Variants in PHF24 observed in about 807,000 individuals in gnomAD.
PHF24 encodes the protein Galpha inhibitory interacting protein.
Under a neutral mutation model 42.6 loss-of-function variants are expected in PHF24, and 25 were observed. That is an observed-to-expected ratio of 0.59 (90% CI 0.43 to 0.82). The LOEUF (loss-of-function observed/expected upper bound fraction) is 0.82. Among genes scored for constraint, PHF24 ranks in the 40% least tolerant of loss-of-function variants. PHF24 has a pLI of 0.00. For synonymous variants in PHF24, 185 were observed against 204.8 expected (o/e 0.90, Z 0.83); for missense variants, 470 against 538.1 (o/e 0.87, Z 1.25).
chr9:34,739,060 T>C, the PHF24 span, among the ~76,000 whole-genome samples: 1 of 152,222 alleles, frequency 6.6e-6, no homozygotes, highest in Non-Finnish European at 1.5e-5. Context: ...ATTCTGGGTT[T>C]TAGCTGTTTC....
chr9:34,815,710 AT>A, the PHF24 span, among the ~76,000 whole-genome samples: 6 of 152,252 alleles, frequency 3.9e-5, no homozygotes, highest in East Asian at 1.2e-3. Flanking sequence ...TTCTGTGTGT[AT>A]TTGTTTTAAA....
chr9:34,946,447 G>C, the PHF24 span, among the ~76,000 whole-genome samples: 10 of 152,162 alleles, frequency 6.6e-5, no homozygotes, highest in Non-Finnish European at 1.5e-4. Context: ...TCTCTTGTAA[G>C]TTTCCATATC....
chr9:34,871,840 G>C, the PHF24 span, among the ~76,000 whole-genome samples: 1 of 152,046 alleles, frequency 6.6e-6, no homozygotes, highest in African/African-American at 2.4e-5. Context: ...CTCCAACCTT[G>C]GTCTTCTCCT....
chr9:34,957,960 G>T (rs1826424164), upstream of PHF24, among the ~76,000 whole-genome samples: 1 of 151,454 alleles, frequency 6.6e-6, no homozygotes, highest in Admixed American at 6.6e-5. Context: ...TCCCCGCGCC[G>T]CAGTGCCGGG....
At chr9:34,728,491 G>C in the PHF24 span, 1 of 923,736 alleles carries the variant, frequency 1.1e-6, no homozygotes, top group African/African-American at 1.7e-5. Context: ...TTCAGTCTGG[G>C]GAACTGGAGT....
the PHF24 span, among the ~76,000 whole-genome samples, chr9:34,808,984 A>G: frequency 1.3e-5 from 2 of 151,832 alleles, no homozygotes; most frequent in African/African-American, 4.8e-5. Flanking sequence ...ACATGTATAC[A>G]TATGTAACTA....
At chr9:34,923,696 T>G in the PHF24 span, among the ~76,000 whole-genome samples, 1 of 152,192 alleles carries the variant, frequency 6.6e-6, no homozygotes, top group Non-Finnish European at 1.5e-5. Flanking sequence ...TGATTTTGTT[T>G]AGGTCTTCCC....
the PHF24 span, among the ~76,000 whole-genome samples, chr9:34,887,199 A>G: frequency 6.6e-6 from 1 of 152,152 alleles, no homozygotes; most frequent in East Asian, 1.9e-4. Flanking sequence ...CCCAGCATCT[A>G]AATGCCTGTA....
At chr9:34,963,243 G>A (rs1826654125) in intron 1 of PHF24, among the ~76,000 whole-genome samples, 1 of 145,942 alleles carries the variant, frequency 6.9e-6, no homozygotes, top group African/African-American at 2.5e-5. Flanking sequence ...ACCCGCACGA[G>A]AACTCTTTTT....
At chr9:34,845,288 G>A in the PHF24 span, among the ~76,000 whole-genome samples, 2 of 152,100 alleles carry the variant, frequency 1.3e-5, no homozygotes, top group Non-Finnish European at 2.9e-5. Flanking sequence ...GCCACTTTAT[G>A]TCTTTTCATT....
At chr9:34,773,076 C>T in the PHF24 span, among the ~76,000 whole-genome samples, 7 of 151,820 alleles carry the variant, frequency 4.6e-5, no homozygotes, top group African/African-American at 9.7e-5. Flanking sequence ...CCGCAACCTC[C>T]GCCTCGCGGG....
chr9:34,977,883 C>G, intron 7 of PHF24, 132 bp from the exon 8 acceptor site: 2 of 804,296 alleles, frequency 2.5e-6, no homozygotes. Flanking sequence ...TTGTGTAGCT[C>G]AAGCCATGCT....
the PHF24 span, among the ~76,000 whole-genome samples, chr9:34,795,456 T>C: frequency 1.3e-5 from 2 of 152,078 alleles, no homozygotes; most frequent in Admixed American, 1.3e-4. Flanking sequence ...AGACCTAGTC[T>C]ACAATAATTG....
chr9:34,855,889 T>C, the PHF24 span, among the ~76,000 whole-genome samples: 2 of 152,206 alleles, frequency 1.3e-5, no homozygotes, highest in African/African-American at 2.4e-5. Flanking sequence ...TTCCTTCTCC[T>C]TGTCTCTTTC....
At chr9:34,813,726 T>C in the PHF24 span, among the ~76,000 whole-genome samples, 1 of 152,204 alleles carries the variant, frequency 6.6e-6, no homozygotes, top group African/African-American at 2.4e-5. Context: ...GATGAAGTTA[T>C]ATAATGCAAT....
the PHF24 span, among the ~76,000 whole-genome samples, chr9:34,801,914 G>T: frequency 2.6e-5 from 4 of 150,946 alleles, no homozygotes; most frequent in South Asian, 6.3e-4. Flanking sequence ...TGTTGGGGGT[G>T]GGGGGCAAGG....
the PHF24 span, among the ~76,000 whole-genome samples, chr9:34,902,287 A>G: frequency 6.8e-6 from 1 of 146,942 alleles, no homozygotes; most frequent in Non-Finnish European, 1.5e-5. Flanking sequence ...GATAGTTACT[A>G]CTCAACCAAA....
At chr9:34,741,563 T>C in the PHF24 span, among the ~76,000 whole-genome samples, 1 of 151,988 alleles carries the variant, frequency 6.6e-6, no homozygotes, top group Non-Finnish European at 1.5e-5. Flanking sequence ...GGTTTCTCCA[T>C]GTTGGTCAGG....
the PHF24 span, among the ~76,000 whole-genome samples, chr9:34,851,865 A>G: frequency 6.6e-6 from 1 of 152,188 alleles, no homozygotes; most frequent in African/African-American, 2.4e-5. Context: ...TTGTCTTTTA[A>G]CTTTCATACT....
Sources: allele counts gnomAD v4.1 joint callset (sites outside exome capture counted in the v4.1 genomes callset), GRCh38; gene constraint gnomAD v4.1.1; transcripts MANE v1.5; gene names NCBI Gene and HGNC (gene_info 2026-07-23, HGNC 2026-07-21).